The following GABRG3 variants were observed in gnomAD, a reference collection of about 807,000 sequenced individuals.
GABRG3 encodes the protein gamma-aminobutyric acid receptor subunit gamma-3.
A neutral mutation model predicts 48.8 loss-of-function variants in GABRG3; 25 were observed. The observed-to-expected ratio is 0.51, with a 90% CI of 0.37 to 0.72. The LOEUF (loss-of-function observed/expected upper bound fraction) is 0.72, where lower values mean the gene tolerates loss of function less well. Among genes scored for constraint, GABRG3 ranks in the 30% least tolerant of loss-of-function variants. GABRG3 has a pLI of 0.00. For missense variants in GABRG3, 394 were observed against 577.9 expected (o/e 0.68, Z 3.26); for synonymous variants, 227 against 217.6 (o/e 1.04, Z -0.38).
intron 3 of GABRG3, among the ~76,000 whole-genome samples, chr15:27,131,655 ATGTAAT>A (rs1231071570): frequency 6.6e-6 from 1 of 152,064 alleles, no homozygotes; most frequent in Non-Finnish European, 1.5e-5. Context: ...TTTGATGGAC[ATGTAAT>A]TGTTATACAT....
chr15:27,253,854 T>C (rs1890533675), intron 3 of GABRG3, among the ~76,000 whole-genome samples: 1 of 152,236 alleles, frequency 6.6e-6, no homozygotes, highest in African/African-American at 2.4e-5. Context: ...GGTTCCTTTA[T>C]TTTCAGCTTC....
chr15:27,049,290 G>A (rs1434577030), intron 3 of GABRG3, among the ~76,000 whole-genome samples: 2 of 152,218 alleles, frequency 1.3e-5, no homozygotes, highest in East Asian at 1.9e-4. Flanking sequence ...ATGCTTTCGC[G>A]TTACATGGGT....
chr15:27,518,677 G>A (rs1345691688), intron 6 of GABRG3, among the ~76,000 whole-genome samples: 2 of 152,118 alleles, frequency 1.3e-5, no homozygotes, highest in Non-Finnish European at 2.9e-5. Flanking sequence ...ATTCAGAGGA[G>A]TGTGGGAAGG....
chr15:27,062,386 C>G (rs1028200921), intron 3 of GABRG3, among the ~76,000 whole-genome samples: 4 of 143,762 alleles, frequency 2.8e-5, no homozygotes, highest in East Asian at 2.0e-4. Flanking sequence ...CACCTGAGGT[C>G]AGGAGTTTAA....
intron 3 of GABRG3, among the ~76,000 whole-genome samples, chr15:27,068,363 A>G (rs1049577148): frequency 2.0e-5 from 3 of 152,186 alleles, no homozygotes; most frequent in Non-Finnish European, 2.9e-5. Flanking sequence ...ACACTGCAGG[A>G]GCAGAGCATT....
intron 3 of GABRG3, among the ~76,000 whole-genome samples, chr15:27,111,910 G>A (rs192617828): frequency 1.7e-3 from 259 of 152,086 alleles, no homozygotes; most frequent in African/African-American, 6.0e-3. Context: ...ATTTCCCCAG[G>A]AGAGTAGGCC....
At chr15:27,018,574 G>A (rs1007554846) in intron 2 of GABRG3, among the ~76,000 whole-genome samples, 3 of 152,128 alleles carry the variant, frequency 2.0e-5, no homozygotes, top group African/African-American at 7.2e-5. Flanking sequence ...GGGTGTTTGG[G>A]AAAGGAGTGA....
intron 3 of GABRG3, among the ~76,000 whole-genome samples, chr15:27,323,457 A>C (rs1279691920): frequency 2.0e-5 from 3 of 152,200 alleles, no homozygotes; most frequent in Non-Finnish European, 4.4e-5. Flanking sequence ...CAGTGTTCAA[A>C]GAAAGAAGGG....
intron 3 of GABRG3, among the ~76,000 whole-genome samples, chr15:27,034,603 C>T (rs923114122): frequency 3.3e-5 from 5 of 152,080 alleles, no homozygotes; most frequent in African/African-American, 1.2e-4. Flanking sequence ...AAAAAAAAAT[C>T]TCCAAGAACA....
intron 2 of GABRG3, among the ~76,000 whole-genome samples, chr15:26,996,948 G>A (rs1208261299): frequency 2.0e-5 from 3 of 152,166 alleles, no homozygotes; most frequent in South Asian, 2.1e-4. Context: ...CACCACGCCC[G>A]GCCTATACTG....
At chr15:26,997,542 C>G (rs1895365124) in intron 2 of GABRG3, among the ~76,000 whole-genome samples, 1 of 152,156 alleles carries the variant, frequency 6.6e-6, no homozygotes, top group South Asian at 2.1e-4. Context: ...GTATTAATCC[C>G]AAGAAGTCTA....
intron 5 of GABRG3, among the ~76,000 whole-genome samples, chr15:27,401,595 G>A (rs976810527): frequency 6.6e-6 from 1 of 152,086 alleles, no homozygotes; most frequent in Non-Finnish European, 1.5e-5. Context: ...CCTTACCCCT[G>A]TGACATTCTA....
intron 3 of GABRG3, among the ~76,000 whole-genome samples, chr15:27,057,560 C>T (rs915894328): frequency 9.2e-5 from 14 of 152,148 alleles, no homozygotes; most frequent in African/African-American, 2.9e-4. Flanking sequence ...TCCTAGAAGA[C>T]GTGTCTGAGC....
At chr15:27,388,305 A>AAGG (rs1185041285) in intron 5 of GABRG3, among the ~76,000 whole-genome samples, 6 of 43,070 alleles carry the variant, frequency 1.4e-4, no homozygotes, top group East Asian at 1.3e-3. Context: ...AGAAGGAAGG[A>AAGG]AAGGGAGGGA....
At chr15:27,290,283 C>G (rs572526601) in intron 3 of GABRG3, among the ~76,000 whole-genome samples, 6 of 151,864 alleles carry the variant, frequency 4.0e-5, no homozygotes, top group Admixed American at 3.9e-4. Context: ...ATCTTATATA[C>G]AGAAAAATTT....
At chr15:27,165,977 G>A (rs1887358855) in intron 3 of GABRG3, among the ~76,000 whole-genome samples, 1 of 152,152 alleles carries the variant, frequency 6.6e-6, no homozygotes, top group Admixed American at 6.5e-5. Context: ...AAGCAGGGGA[G>A]AGCAAGACAC....
chr15:27,026,388 C>T (rs1895983524), intron 2 of GABRG3, among the ~76,000 whole-genome samples: 1 of 152,190 alleles, frequency 6.6e-6, no homozygotes, highest in Admixed American at 6.5e-5. Context: ...AAAACTTTGA[C>T]ATTAAATTAC....
intron 5 of GABRG3, among the ~76,000 whole-genome samples, chr15:27,456,534 T>C (rs1461186517): frequency 1.3e-5 from 2 of 152,152 alleles, no homozygotes; most frequent in East Asian, 1.9e-4. Context: ...TGCTGCACAT[T>C]ATACAAGAAG....
At chr15:27,171,591 C>T (rs1887576057) in intron 3 of GABRG3, among the ~76,000 whole-genome samples, 1 of 150,490 alleles carries the variant, frequency 6.6e-6, no homozygotes, top group Non-Finnish European at 1.5e-5. Flanking sequence ...GAGAGAGATG[C>T]TATACCAACA....
Sources: gnomAD v4.1 joint callset for allele counts (sites outside exome capture counted in the v4.1 genomes callset) on GRCh38, gnomAD v4.1.1 for gene constraint, MANE v1.5 for transcripts, NCBI Gene and HGNC (gene_info 2026-07-23, HGNC 2026-07-21) for gene names.